CDK13: variants seen among roughly 807,000 people sequenced by gnomAD.
CDK13 encodes the protein cyclin-dependent kinase 13.
In CDK13, 40 loss-of-function variants were observed where a neutral mutation model predicts 137.6. The observed-to-expected ratio is 0.29, with a 90% CI of 0.23 to 0.38. The LOEUF (loss-of-function observed/expected upper bound fraction) is 0.38. CDK13 is among the 10% of genes least tolerant of loss of function. The pLI, the probability that CDK13 is intolerant of heterozygous loss-of-function variation, is 1.00. For missense variants in CDK13, 1,704 were observed against 1,951.8 expected (o/e 0.87, Z 2.39); for synonymous variants, 869 against 760.1 (o/e 1.14, Z -2.36).
At chr7:40,058,950 T>TG (rs34614635) in intron 7 of CDK13, among the ~76,000 whole-genome samples, 38 of 152,148 alleles carry the variant, frequency 2.5e-4, no homozygotes, top group Middle Eastern at 3.4e-3. Context: ...AAGAAGTACA[T>TG]GGGGGGGTTG....
At chr7:40,030,323 A>G (rs1456772990) in intron 5 of CDK13, among the ~76,000 whole-genome samples, 1 of 151,882 alleles carries the variant, frequency 6.6e-6, no homozygotes, top group Non-Finnish European at 1.5e-5. Context: ...GCATGCAAAG[A>G]CAGAGAATCT....
chr7:40,000,447 G>A (rs1784658966), intron 4 of CDK13, among the ~76,000 whole-genome samples: 2 of 152,318 alleles, frequency 1.3e-5, no homozygotes, highest in Middle Eastern at 3.4e-3. Flanking sequence ...GGAGGCTGAG[G>A]CAGGAGAATT....
In CDK13 at chr7:39,950,814, T is replaced by A; in HGVS notation, c.173T>A (p.Leu58Gln). 1 of 1,450,198 alleles carries A rather than the reference T, an allele frequency of 6.9e-7. No homozygotes were observed. The highest frequency in any genetic ancestry group is 9.0e-7 in the Non-Finnish European group (1 of 1,108,968). 89.8% of individuals were successfully genotyped at this position (1,450,198 alleles called of 1,614,324 possible). ...CAACCGCCGCCGCCCCCGCCGCCTC[T>A]GCTCTTCCTGGCTGCTCCCGGCACG... ...LLQPPPPPPP[L>Q]LFLAAPGTAA... The change falls in exon 1 of 14, where the codon CTG (leucine) becomes CAG (glutamine). Residue 58 changes from leucine to glutamine, a missense_variant. Around this residue, in one of 5 missense-constraint regions of CDK13, gnomAD observed 1,051 missense variants for 931.0 expected, o/e 1.13. Transcript: ENST00000181839.
chr7:39,952,702 A>G (rs1244644124), intron 1 of CDK13: 17 of 152,314 alleles, frequency 1.1e-4, no homozygotes, highest in Admixed American at 6.5e-4. Flanking sequence ...TTTCTTAGAT[A>G]TATACCCGAA....
chr7:39,959,230 C>T lies in CDK13; in HGVS notation c.1211+7378C>T, dbSNP rs1291745239. On this transcript the variant is annotated intron_variant, in intron 1 of 13. Transcript: ENST00000181839. ...TGCCCAGGCTGGAATGGTGCGATCT[C>T]GGCTCACCGCAACCTCTGCCTCCCG... Among the ~76,000 whole-genome samples the T allele has an allele frequency of 5.3e-5, 8 of 150,642 alleles. 1 individual carries two copies. The highest frequency in any genetic ancestry group is 4.2e-4 in the South Asian group (2 of 4,804).
Position 39,997,570 on chromosome 7 carries a change from C to G in CDK13, c.1948C>G (p.Pro650Ala), listed in dbSNP as rs755540907. 1.2e-6 allele frequency: 2 copies of G among 1,606,538 alleles called. No individual in the cohort carries two copies. The highest frequency in any genetic ancestry group is 3.5e-5 in the Admixed American group (2 of 57,834). The part of the protein sequence containing the change: ...KKLRCLLADL[P>A]LPPELPGGDD... ...ACTCCGATGTCTTCTTGCTGATTTA[C>G]CGCTGCCCCCTGAGCTACCAGGAGG... is the stretch of plus-strand genomic sequence containing the variant. Residue 650 changes from proline (P) to alanine (A), a missense_variant, in exon 3 of 14, where the codon CCG (proline) becomes GCG (alanine). Around this residue, in one of 5 missense-constraint regions of CDK13, gnomAD observed 1,051 missense variants for 931.0 expected, o/e 1.13. Transcript: ENST00000181839.
chr7:39,965,429 A>G (rs1235802913), intron 1 of CDK13, among the ~76,000 whole-genome samples: 2 of 152,286 alleles, frequency 1.3e-5, no homozygotes, highest in African/African-American at 4.8e-5. Context: ...ATCTGAGACT[A>G]GGATTGCGAC....
intron 1 of CDK13, among the ~76,000 whole-genome samples, chr7:39,971,357 G>C (rs1035258415): frequency 6.6e-6 from 1 of 151,146 alleles, no homozygotes; most frequent in Admixed American, 6.6e-5. Context: ...TCTCTGCTAA[G>C]GGTACAAAAA....
At chr7:39,975,864 T>C (rs923295212) in intron 1 of CDK13, among the ~76,000 whole-genome samples, 8 of 152,176 alleles carry the variant, frequency 5.3e-5, no homozygotes, top group Non-Finnish European at 7.3e-5. Context: ...TGGAAACCAC[T>C]ACAGAGTTTT....
At chr7:39,991,567 T>G (rs1313449598) in intron 2 of CDK13, among the ~76,000 whole-genome samples, 1 of 151,878 alleles carries the variant, frequency 6.6e-6, no homozygotes, top group Non-Finnish European at 1.5e-5. Flanking sequence ...CTCCACTTGC[T>G]TTTGCTGTTT....
chr7:40,010,720 C>CCGCT (rs1784876741), intron 5 of CDK13, among the ~76,000 whole-genome samples: 1 of 152,132 alleles, frequency 6.6e-6, no homozygotes, highest in Non-Finnish European at 1.5e-5. Flanking sequence ...CGCTCACCTG[C>CCGCT]CACTCATCTG....
intron 7 of CDK13, among the ~76,000 whole-genome samples, chr7:40,057,681 G>A (rs1786051229): frequency 6.6e-6 from 1 of 152,180 alleles, no homozygotes; most frequent in African/African-American, 2.4e-5. Context: ...TTTAGCAAAA[G>A]GTAATAATGT....
intron 5 of CDK13, among the ~76,000 whole-genome samples, chr7:40,031,831 A>ATTG (rs1785387333): frequency 2.8e-5 from 1 of 35,830 alleles, no homozygotes; most frequent in Non-Finnish European, 6.6e-5. Flanking sequence ...TATTATTGTT[A>ATTG]TTATTATTAT....
rs372173540 is a variant in CDK13, at chr7:40,034,501, C to T, written c.2354-11335C>T. Among the ~76,000 whole-genome samples, 59 of 152,160 alleles carry T rather than the reference C, an allele frequency of 3.9e-4. 1 individual carries two copies. In the South Asian group the frequency reaches 0.012, roughly 31 times the overall value. On this transcript the variant is annotated intron_variant, in intron 5 of 13. Transcript: ENST00000181839. ...TCTTATTAAAGATTATAACATATCTCTAGCTGCATAATATACTACAATATG... is the reference window on the plus strand; with the variant it reads ...TCTTATTAAAGATTATAACATATCTTTAGCTGCATAATATACTACAATATG...
At chr7:40,054,569 T>TA (rs1228482576) in intron 7 of CDK13, among the ~76,000 whole-genome samples, 1 of 152,094 alleles carries the variant, frequency 6.6e-6, no homozygotes, top group Admixed American at 6.6e-5. Flanking sequence ...TAGCTGGGAT[T>TA]ACAGGCACCT....
At position 39,987,999 on chromosome 7, in the gene CDK13, A is replaced by G. The variant is rs888833166; in HGVS notation, c.1612A>G (p.Lys538Glu). The change falls in exon 2 of 14, where the codon AAA becomes GAA. Residue 538 changes from lysine to glutamate, a missense_variant. Physicochemically the swap from Lys to Glu is moderately conservative, Grantham distance 56. Transcript: ENST00000181839. ...SGGTLKNDKA[K>E]TKPPLQVTKV... ...TGGAACTTTAAAAAATGACAAAGCA[A>G]AAACAAAGCCACCTCTTCAGGTAAC... 6.2e-7 allele frequency: 1 copy of G among 1,614,166 alleles called. No homozygotes were observed.
chr7:40,056,078 C>T (rs1786015186), intron 7 of CDK13, among the ~76,000 whole-genome samples: 1 of 152,074 alleles, frequency 6.6e-6, no homozygotes, highest in South Asian at 2.1e-4. Context: ...TGATAGTATA[C>T]TATATTACTG....
intron 11 of CDK13, among the ~76,000 whole-genome samples, chr7:40,081,693 T>G (rs570127318): frequency 2.9e-4 from 44 of 152,306 alleles, no homozygotes; most frequent in Middle Eastern, 3.4e-3. Flanking sequence ...CTTATTTATT[T>G]ATTGATTGAT....
Position 39,951,668 on chromosome 7 carries a change from C to G in CDK13, c.1027C>G (p.Pro343Ala). Residue 343 changes from proline (P) to alanine (A), a missense_variant, in exon 1 of 14, where the codon CCG becomes GCG. Pro to Ala is a conservative substitution (Grantham distance 27). Around this residue, in one of 5 missense-constraint regions of CDK13, gnomAD observed 1,051 missense variants for 931.0 expected, o/e 1.13. Coordinates refer to ENST00000181839, the MANE Select transcript of CDK13 (RefSeq NM_003718.5). ...QSLRSRKSPS[P>A]AGGGSSPYSR... The stretch of plus-strand genomic sequence containing the variant: ...CCTGAGGAGCCGCAAGTCCCCCAGC[C>G]CGGCAGGAGGTGGCAGCAGCCCCTA... 1 of 1,475,370 alleles carries G rather than the reference C, an allele frequency of 6.8e-7. No individual in the cohort carries two copies. Among genetic ancestry groups the G allele is most frequent in the Non-Finnish European group, 8.9e-7 (1 of 1,118,544 alleles). The allele number at this position is 1,475,370 out of a possible 1,614,324, so 91.4% of individuals were successfully genotyped here. A position where few individuals can be genotyped will look rare whatever the true frequency, so the allele number is the denominator to read the frequency against.
Sources: allele counts gnomAD v4.1 joint callset (sites outside exome capture counted in the v4.1 genomes callset), GRCh38; gene constraint gnomAD v4.1.1; regional missense constraint gnomAD v4.1.1; transcripts MANE v1.5; gene names NCBI Gene and HGNC (gene_info 2026-07-23, HGNC 2026-07-21).